The following DENND10 variants were observed in gnomAD, a reference collection of about 807,000 sequenced individuals.
DENND10 encodes the protein DENN domain containing 10.
Under a neutral mutation model 43.6 loss-of-function variants are expected in DENND10, and 24 were observed. The observed-to-expected ratio is 0.55, with a 90% CI of 0.40 to 0.77. The LOEUF is 0.77. DENND10 is among the 30% of genes least tolerant of loss of function. The pLI, the probability that DENND10 is intolerant of heterozygous loss-of-function variation, is 0.00. For missense variants in DENND10, 303 were observed against 429.9 expected, an observed-to-expected ratio of 0.70 and a Z score of 2.61; for synonymous variants, 125 against 157.6, an observed-to-expected ratio of 0.79 and a Z score of 1.55.
chr10:119,123,633 G>A, intron 6 of DENND10, 64 bp downstream of exon 6: 1 of 1,213,674 alleles, frequency 8.2e-7, no homozygotes, highest in Admixed American at 2.0e-5. Flanking sequence ...TCCTGAGACG[G>A]ATTTTCACTC....
At chr10:119,133,684 G>A (rs1846182146) in intron 8 of DENND10, 1 of 152,386 alleles carries the variant, frequency 6.6e-6, no homozygotes, top group Non-Finnish European at 1.5e-5. Context: ...AAAGATGAGA[G>A]GGGCCATTTC....
Position 119,136,540 on chromosome 10 carries a change from G to A in DENND10, c.967G>A (p.Glu323Lys). 6.3e-7 allele frequency: 1 copy of A among 1,586,820 alleles called. No individual in the cohort carries two copies. ...GTTTTCAGAAGTTTCGGCTGATGGA[G>A]AAAAGAGAGTCCTTAATTTGGAGGC... ...APFSEVSADGEKRVLNLEALK... is the reference protein window; with the variant it reads ...APFSEVSADGKKRVLNLEALK... The change falls in exon 9 of 9, where the codon GAA becomes AAA. Residue 323 changes from glutamate to lysine, a missense_variant. Coordinates refer to ENST00000361432, the MANE Select transcript of DENND10 (RefSeq NM_207009.4).
chr10:119,111,649 G>T (rs921307890), intron 2 of DENND10, among the ~76,000 whole-genome samples, 200 bp from the exon 3 acceptor site: 1 of 152,040 alleles, frequency 6.6e-6, no homozygotes, highest in Non-Finnish European at 1.5e-5. Flanking sequence ...GCATTCTTAT[G>T]TAGGAAATTC....
At chr10:119,124,617 C>T (rs1196188847) in intron 6 of DENND10, among the ~76,000 whole-genome samples, 2 of 152,156 alleles carry the variant, frequency 1.3e-5, no homozygotes, top group Non-Finnish European at 2.9e-5. Context: ...CTCCCGAACT[C>T]AAGCGATCTG....
intron 2 of DENND10, 80 bp from the exon 3 acceptor site, chr10:119,111,769 A>G: frequency 9.1e-7 from 1 of 1,093,852 alleles, no homozygotes. Flanking sequence ...CTTATACAAA[A>G]GGTTTGTTAG....
At chr10:119,112,493 C>CTTTTT (rs1353576739) in intron 3 of DENND10, among the ~76,000 whole-genome samples, 12 of 133,492 alleles carry the variant, frequency 9.0e-5, no homozygotes, top group East Asian at 4.2e-4. Flanking sequence ...TTTTCTTTTT[C>CTTTTT]TTTTTTTTTT....
chr10:119,129,695 A>C, intron 7 of DENND10, 73 bp downstream of exon 7: 2 of 1,094,016 alleles, frequency 1.8e-6, no homozygotes, highest in South Asian at 1.3e-5. Flanking sequence ...GATTCTCTAA[A>C]ACCAGTATGT....
At chr10:119,105,269 C>A (rs1511034) in intron 1 of DENND10, 90,183 of 154,264 alleles carry the variant, frequency 0.58, 26,605 homozygotes, top group Middle Eastern at 0.71. Context: ...GAATCGCTTA[C>A]TGTTTTTATT....
At chr10:119,112,839 A>T (rs1472919838) in intron 3 of DENND10, among the ~76,000 whole-genome samples, 6 of 148,862 alleles carry the variant, frequency 4.0e-5, no homozygotes. Flanking sequence ...AGGCTTTTGC[A>T]GAGTTTTATT....
chr10:119,118,201 A>G (rs1845391561), intron 4 of DENND10, among the ~76,000 whole-genome samples: 1 of 152,060 alleles, frequency 6.6e-6, no homozygotes, highest in Admixed American at 6.6e-5. Flanking sequence ...TAACCCCCGT[A>G]TTTCCTTATT....
At chr10:119,115,688 A>G (rs1350829551) in intron 3 of DENND10, among the ~76,000 whole-genome samples, 2 of 150,898 alleles carry the variant, frequency 1.3e-5, no homozygotes, top group African/African-American at 4.9e-5. Flanking sequence ...AACACTGATG[A>G]TTGACAAAAG....
intron 5 of DENND10, among the ~76,000 whole-genome samples, chr10:119,121,165 C>T: frequency 6.6e-6 from 1 of 151,888 alleles, no homozygotes; most frequent in East Asian, 1.9e-4. Context: ...CCAGGAGGGT[C>T]AGTTCAGGGC....
In DENND10 at chr10:119,131,350, C is replaced by T. The variant is rs1258925125; in HGVS notation, c.803-1165C>T. Among the ~76,000 whole-genome samples the T allele has an allele frequency of 3.3e-5, 5 of 152,066 alleles. No individual in the cohort carries two copies. In the East Asian group the frequency reaches 5.8e-4, roughly 18 times the overall value. ...GCAGGCGCCTCTAGTCCCAGCTACT[C>T]GGGAGGCTGAGGCAGGAGAATCAGT... On this transcript the variant is annotated intron_variant, in intron 7 of 8. Coordinates refer to ENST00000361432, the MANE Select transcript of DENND10 (RefSeq NM_207009.4).
intron 7 of DENND10, among the ~76,000 whole-genome samples, chr10:119,131,285 C>T (rs561307829): frequency 1.3e-5 from 2 of 152,204 alleles, no homozygotes; most frequent in Non-Finnish European, 2.9e-5. Context: ...GGTGAAACCC[C>T]GTCTCTACCA....
intron 1 of DENND10, among the ~76,000 whole-genome samples, chr10:119,106,427 G>C (rs916201466): frequency 1.3e-5 from 2 of 152,136 alleles, no homozygotes; most frequent in African/African-American, 4.8e-5. Flanking sequence ...GACAACCTCT[G>C]AATCTTGGGC....
At chr10:119,124,385 A>T (rs1313459214) in intron 6 of DENND10, among the ~76,000 whole-genome samples, 9 of 145,894 alleles carry the variant, frequency 6.2e-5, no homozygotes, top group African/African-American at 2.3e-4. Flanking sequence ...AAAAAAAAAA[A>T]AAAAAATTAG....
chr10:119,114,858 C>T (rs1316974274), intron 3 of DENND10, among the ~76,000 whole-genome samples: 5 of 152,022 alleles, frequency 3.3e-5, no homozygotes, highest in East Asian at 1.9e-4. Flanking sequence ...CCACCTCCAA[C>T]TCATGGGTTT....
At chr10:119,135,825 A>G (rs1456450912) in intron 8 of DENND10, among the ~76,000 whole-genome samples, 1 of 148,592 alleles carries the variant, frequency 6.7e-6, no homozygotes, top group East Asian at 2.0e-4. Context: ...AACCAAAACC[A>G]CACACTATGA....
chr10:119,119,802 TTG>T (rs1845471639), intron 4 of DENND10, among the ~76,000 whole-genome samples: 1 of 152,020 alleles, frequency 6.6e-6, no homozygotes, highest in South Asian at 2.1e-4. Context: ...TTTCAGTTTT[TTG>T]TGAGTCTAGC....
Sources: allele counts gnomAD v4.1 joint callset (sites outside exome capture counted in the v4.1 genomes callset), GRCh38; gene constraint gnomAD v4.1.1; transcripts MANE v1.5; gene names NCBI Gene and HGNC (gene_info 2026-07-23, HGNC 2026-07-21).